MAGI1: variants seen among roughly 807,000 people sequenced by gnomAD.
MAGI1 encodes the protein membrane associated guanylate kinase, WW and PDZ domain containing 1.
A neutral mutation model predicts 139.9 loss-of-function variants in MAGI1; 58 were observed. That is an observed-to-expected ratio of 0.41 (90% CI 0.34 to 0.52). MAGI1 has a LOEUF of 0.52. Ranked by LOEUF, MAGI1 falls within the 20% of genes least tolerant of loss-of-function variation. The pLI is 0.12. For synonymous variants in MAGI1, 812 were observed against 737.9 expected (o/e 1.10, Z -1.63); for missense variants, 1,874 against 1,901.6 (o/e 0.99, Z 0.27).
chr3:65,703,312 A>G (rs112349458), intron 1 of MAGI1, among the ~76,000 whole-genome samples: 87 of 152,288 alleles, frequency 5.7e-4, no homozygotes, highest in Non-Finnish European at 1.0e-3. Flanking sequence ...GTGAGGACCC[A>G]TGACTGGCCA....
intron 1 of MAGI1, chr3:65,718,606 C>T (rs969056151): frequency 2.6e-5 from 4 of 152,182 alleles, no homozygotes; most frequent in Admixed American, 6.5e-5. Flanking sequence ...TATAAACAGC[C>T]GAAGTAGCCT....
At chr3:65,940,199 C>T (rs549137258) in intron 1 of MAGI1, among the ~76,000 whole-genome samples, 1 of 152,228 alleles carries the variant, frequency 6.6e-6, no homozygotes, top group African/African-American at 2.4e-5. Flanking sequence ...AAGCAGAGAG[C>T]GCTTAGGGAA....
At chr3:65,596,351 T>C (rs138031004) in intron 2 of MAGI1, among the ~76,000 whole-genome samples, 2 of 152,186 alleles carry the variant, frequency 1.3e-5, no homozygotes, top group Non-Finnish European at 2.9e-5. Context: ...CCGAATCTTT[T>C]GAAAGCACTG....
chr3:65,669,341 G>A (rs1253495929), intron 1 of MAGI1, among the ~76,000 whole-genome samples: 1 of 152,204 alleles, frequency 6.6e-6, no homozygotes, highest in Admixed American at 6.5e-5. Flanking sequence ...GCTCTTGTTT[G>A]ATGAGAGGAA....
chr3:65,496,062 G>A (rs1237823367), intron 2 of MAGI1, among the ~76,000 whole-genome samples: 1 of 152,188 alleles, frequency 6.6e-6, no homozygotes, highest in Non-Finnish European at 1.5e-5. Context: ...CCTTTTCAGA[G>A]ACAGAGTCTC....
In MAGI1 at chr3:65,568,097, A is replaced by G. The variant is rs570833127; in HGVS notation, c.430+53875T>C. 1.2e-4 allele frequency among the ~76,000 whole-genome samples: 18 copies of G among 152,272 alleles called. No homozygotes were observed. The South Asian group carries it at 3.7e-3, about 32-fold the overall frequency. Reference sequence around the variant, plus strand: ...TATTTACCGGGTAAAGGACACAACCAGAGGCACTTAACGTGGAAGACTGGT... The same window carrying G: ...TATTTACCGGGTAAAGGACACAACCGGAGGCACTTAACGTGGAAGACTGGT... On this transcript the variant is annotated intron_variant, in intron 2 of 22. Transcript: ENST00000402939.
rs60882502 is a variant in MAGI1 at position 66,010,077 on chromosome 3, CAAA to C, written c.313+27916_313+27918del. Among the ~76,000 whole-genome samples the C allele has an allele frequency of 8.5e-3, 590 of 69,670 alleles. 5 individuals carry two copies. Among genetic ancestry groups the C allele is most frequent in the African/African-American group, 0.028 (478 of 16,974 alleles). 45.7% of individuals were successfully genotyped at this position (69,670 alleles called of 152,430 possible). A position where few individuals can be genotyped will look rare whatever the true frequency, so the allele number is the denominator to read the frequency against. On this transcript the variant is annotated intron_variant, in intron 1 of 22. Transcript: ENST00000402939. ...GGTGACAAAGTGATACTCTCTGTCTCAAAAAAAAAAAAAAAAAAAAAAAAAAAG... is the reference window on the plus strand; with the variant it reads ...GGTGACAAAGTGATACTCTCTGTCTCAAAAAAAAAAAAAAAAAAAAAAAAG...
At chr3:65,651,538 G>A (rs1576603828) in intron 1 of MAGI1, among the ~76,000 whole-genome samples, 1 of 152,038 alleles carries the variant, frequency 6.6e-6, no homozygotes, top group East Asian at 1.9e-4. Flanking sequence ...GCGGCATGTG[G>A]ACCTGCACAT....
At chr3:65,827,605 C>T (rs182959076) in intron 1 of MAGI1, among the ~76,000 whole-genome samples, 15 of 152,134 alleles carry the variant, frequency 9.9e-5, no homozygotes, top group African/African-American at 3.6e-4. Context: ...CTTTGAAACG[C>T]CTTGGACCTA....
chr3:65,463,719 A>G (rs751065550), intron 5 of MAGI1, among the ~76,000 whole-genome samples: 1 of 151,920 alleles, frequency 6.6e-6, no homozygotes, highest in Non-Finnish European at 1.5e-5. Context: ...TCCTCTGTAT[A>G]ACTCTGGTAG....
chr3:65,636,489 G>A (rs577342516), intron 1 of MAGI1, among the ~76,000 whole-genome samples: 2 of 152,170 alleles, frequency 1.3e-5, no homozygotes, highest in African/African-American at 4.8e-5. Context: ...CAGTAATTAG[G>A]ACACTCACTG....
chr3:65,990,557 T>C (rs781613443), intron 1 of MAGI1, among the ~76,000 whole-genome samples: 1 of 152,176 alleles, frequency 6.6e-6, no homozygotes, highest in Non-Finnish European at 1.5e-5. Context: ...TGGCATGATG[T>C]TCCTTTGAGC....
chr3:65,950,883 C>G (rs2063804830), intron 1 of MAGI1, among the ~76,000 whole-genome samples: 1 of 151,748 alleles, frequency 6.6e-6, no homozygotes. Flanking sequence ...TTTGGCTTCC[C>G]TGGGCCACAT....
intron 10 of MAGI1, among the ~76,000 whole-genome samples, chr3:65,431,935 G>C (rs549254352): frequency 6.6e-6 from 1 of 152,278 alleles, no homozygotes; most frequent in East Asian, 1.9e-4. Flanking sequence ...AGAGGTTGCA[G>C]TGAGCTGAGA....
At chr3:65,849,055 C>CTTTTTTTTT (rs2059113059) in intron 1 of MAGI1, among the ~76,000 whole-genome samples, 7 of 47,450 alleles carry the variant, frequency 1.5e-4, no homozygotes, top group Admixed American at 3.0e-4. Context: ...TGGAGTTTTG[C>CTTTTTTTTT]TCTTTTTGCC....
chr3:65,812,460 T>TCACACACACACACA (rs1241847173), intron 1 of MAGI1, among the ~76,000 whole-genome samples: 3 of 99,178 alleles, frequency 3.0e-5, no homozygotes, highest in African/African-American at 1.1e-4. Context: ...TCTCTCTCTC[T>TCACACACACACACA]CTCTCTCTCA....
chr3:65,952,537 G>A lies in MAGI1; in HGVS notation c.313+85459C>T, dbSNP rs572067273. Among the ~76,000 whole-genome samples, 11 of 152,260 alleles carry A rather than the reference G, an allele frequency of 7.2e-5. No homozygotes were observed. In the East Asian group the frequency reaches 1.7e-3, roughly 24 times the overall value. On this transcript the variant is annotated intron_variant, in intron 1 of 22. Coordinates refer to ENST00000402939, the MANE Select transcript of MAGI1 (RefSeq NM_001033057.2). ...CCAACCAGAAAGACCACATAAGGCC[G>A]GGCACGGTGGCTCGCGCCTGTAATC...
chr3:65,527,608 C>T (rs2078446875), intron 2 of MAGI1, among the ~76,000 whole-genome samples: 1 of 152,068 alleles, frequency 6.6e-6, no homozygotes, highest in African/African-American at 2.4e-5. Flanking sequence ...GCCTGTAGTC[C>T]CAGCTACTAG....
intron 2 of MAGI1, among the ~76,000 whole-genome samples, chr3:65,618,378 A>G (rs1174503259): frequency 3.9e-5 from 6 of 152,218 alleles, no homozygotes; most frequent in Non-Finnish European, 7.3e-5. Context: ...TATGCTAAGA[A>G]AATCATGTAA....
Sources: gnomAD v4.1 joint callset for allele counts (sites outside exome capture counted in the v4.1 genomes callset) on GRCh38, gnomAD v4.1.1 for gene constraint, MANE v1.5 for transcripts, NCBI Gene and HGNC (gene_info 2026-07-23, HGNC 2026-07-21) for gene names.